The following DLG2 variants were observed in gnomAD, a reference collection of about 807,000 sequenced individuals.
DLG2 encodes the protein discs large MAGUK scaffold protein 2.
A neutral mutation model predicts 132.5 loss-of-function variants in DLG2; 45 were observed. That is an observed-to-expected ratio of 0.34 (90% CI 0.27 to 0.44). DLG2 has a LOEUF of 0.44. Among genes scored for constraint, DLG2 ranks in the 20% least tolerant of loss-of-function variants. The pLI, the probability that DLG2 is intolerant of heterozygous loss-of-function variation, is 1.00. For synonymous variants in DLG2, 424 were observed against 419.6 expected (o/e 1.01, Z -0.13); for missense variants, 1,045 against 1,196.9 (o/e 0.87, Z 1.87).
chr11:84,608,926 A>G (rs1398147706), intron 6 of DLG2, among the ~76,000 whole-genome samples: 1 of 152,214 alleles, frequency 6.6e-6, no homozygotes, highest in Non-Finnish European at 1.5e-5. Context: ...GTAAATTCAA[A>G]TAGAAAGAGG....
intron 7 of DLG2, among the ~76,000 whole-genome samples, chr11:84,483,277 C>T (rs543449151): frequency 6.6e-6 from 1 of 151,656 alleles, no homozygotes; most frequent in African/African-American, 2.4e-5. Flanking sequence ...TACAAAAATA[C>T]AAAAATTAGG....
Position 84,163,474 on chromosome 11 carries a change from A to G in DLG2, c.611T>C (p.Ile204Thr), listed in dbSNP as rs2095592849. 6.2e-7 allele frequency: 1 copy of G among 1,607,060 alleles called. No homozygotes were observed. The highest frequency in any genetic ancestry group is 8.5e-7 in the Non-Finnish European group (1 of 1,177,542). ...ATTTTTTCTTACCCTCTCCAGTGTA[A>G]TTTCTTCAAATTCATATTCAATTTC... is the stretch of plus-strand genomic sequence containing the variant. ...GTEIEYEFEEITLERGNSGLG... is the reference protein window; with the variant it reads ...GTEIEYEFEETTLERGNSGLG... The change falls in exon 9 of 28, where the codon ATT becomes ACT. Residue 204 changes from isoleucine to threonine, a missense_variant. Ile to Thr is a moderately conservative substitution (Grantham distance 89, BLOSUM62 -1). Coordinates refer to ENST00000376104, the MANE Select transcript of DLG2 (RefSeq NM_001142699.3).
chr11:84,975,188 T>A (rs1283795723), intron 6 of DLG2, among the ~76,000 whole-genome samples: 8 of 152,184 alleles, frequency 5.3e-5, no homozygotes, highest in African/African-American at 1.7e-4. Flanking sequence ...CAGACTACTA[T>A]TTATCTATCC....
At chr11:83,908,801 A>G (rs2075517099) in intron 15 of DLG2, among the ~76,000 whole-genome samples, 1 of 152,018 alleles carries the variant, frequency 6.6e-6, no homozygotes, top group South Asian at 2.1e-4. Flanking sequence ...TGGTGCAATC[A>G]CAGCTCACTG....
At chr11:84,608,080 C>T (rs540273881) in intron 6 of DLG2, among the ~76,000 whole-genome samples, 3 of 152,090 alleles carry the variant, frequency 2.0e-5, no homozygotes, top group African/African-American at 7.2e-5. Context: ...TCCTTATAAG[C>T]ATCTCTCTAG....
chr11:84,962,270 G>C (rs1452908036), intron 6 of DLG2, among the ~76,000 whole-genome samples: 7 of 152,200 alleles, frequency 4.6e-5, no homozygotes, highest in African/African-American at 1.7e-4. Context: ...AGTAGAGATA[G>C]AGCCAGACTT....
chr11:84,857,983 T>C (rs776420794), intron 6 of DLG2, among the ~76,000 whole-genome samples: 6 of 151,952 alleles, frequency 3.9e-5, no homozygotes, highest in African/African-American at 7.3e-5. Flanking sequence ...GCCTGGACTT[T>C]CCAGACTCAA....
intron 7 of DLG2, among the ~76,000 whole-genome samples, chr11:84,292,111 G>A (rs1052967368): frequency 6.6e-6 from 1 of 152,132 alleles, no homozygotes; most frequent in African/African-American, 2.4e-5. Context: ...AAGTCTAGGC[G>A]AGGTTGGGAA....
chr11:83,629,301 T>C (rs1439766164), intron 19 of DLG2, among the ~76,000 whole-genome samples: 1 of 152,182 alleles, frequency 6.6e-6, no homozygotes, highest in Non-Finnish European at 1.5e-5. Context: ...TTGATGAAGG[T>C]CTGAATAAAT....
At chr11:84,123,608 T>C (rs2094026426) in intron 9 of DLG2, among the ~76,000 whole-genome samples, 1 of 152,116 alleles carries the variant, frequency 6.6e-6, no homozygotes, top group South Asian at 2.1e-4. Flanking sequence ...CTGTAGTAAA[T>C]TGTTATTCAG....
chr11:83,515,446 C>A (rs538725009), intron 21 of DLG2, among the ~76,000 whole-genome samples: 1 of 151,978 alleles, frequency 6.6e-6, no homozygotes, highest in African/African-American at 2.4e-5. Flanking sequence ...AGTGGTCTAT[C>A]GATTTTGTTG....
chr11:85,354,802 A>G (rs189991440), intron 3 of DLG2, among the ~76,000 whole-genome samples: 1 of 151,806 alleles, frequency 6.6e-6, no homozygotes, highest in Admixed American at 6.6e-5. Flanking sequence ...TATGAATATT[A>G]ATTTTTCAAA....
intron 3 of DLG2, among the ~76,000 whole-genome samples, chr11:85,473,239 C>T (rs905681864): frequency 6.6e-6 from 1 of 152,204 alleles, no homozygotes; most frequent in Non-Finnish European, 1.5e-5. Flanking sequence ...GTGGGCGGAG[C>T]TAGCTCAGTC....
At chr11:84,801,520 C>G (rs1204423990) in intron 6 of DLG2, among the ~76,000 whole-genome samples, 1 of 152,150 alleles carries the variant, frequency 6.6e-6, no homozygotes, top group Non-Finnish European at 1.5e-5. Context: ...GGAGATGCAC[C>G]ACTGCACTCC....
intron 7 of DLG2, among the ~76,000 whole-genome samples, chr11:84,472,782 A>T (rs1385535559): frequency 6.6e-6 from 1 of 152,002 alleles, no homozygotes; most frequent in African/African-American, 2.4e-5. Context: ...AACTGAAAAT[A>T]TATTTCTGAT....
chr11:84,626,317 T>A (rs1198312254), intron 6 of DLG2, among the ~76,000 whole-genome samples: 1 of 152,190 alleles, frequency 6.6e-6, no homozygotes, highest in East Asian at 1.9e-4. Context: ...TGATTCCTCT[T>A]TACTTCAAGA....
chr11:83,775,804 G>T (rs1023013396), intron 18 of DLG2, among the ~76,000 whole-genome samples: 1 of 150,886 alleles, frequency 6.6e-6, no homozygotes, highest in African/African-American at 2.4e-5. Flanking sequence ...GGAATATAAA[G>T]ATGAATAGCC....
chr11:85,418,930 C>CA (rs1310459858), intron 3 of DLG2, among the ~76,000 whole-genome samples: 10 of 152,268 alleles, frequency 6.6e-5, no homozygotes, highest in African/African-American at 2.4e-4. Flanking sequence ...AGCCCATTTA[C>CA]ATTTAAGGTT....
intron 18 of DLG2, among the ~76,000 whole-genome samples, chr11:83,688,314 T>C (rs558715231): frequency 2.6e-5 from 4 of 152,330 alleles, no homozygotes; most frequent in African/African-American, 9.6e-5. Flanking sequence ...CCATTTTCTT[T>C]CGGGTTCAGG....
Sources: gnomAD v4.1 joint callset for allele counts (sites outside exome capture counted in the v4.1 genomes callset) on GRCh38, gnomAD v4.1.1 for gene constraint, MANE v1.5 for transcripts, NCBI Gene and HGNC (gene_info 2026-07-23, HGNC 2026-07-21) for gene names.